LUM: variants seen among roughly 807,000 people sequenced by gnomAD.
LUM encodes the protein lumican, also known as KSPG lumican.
LUM carries 13 observed loss-of-function variants against 20.5 expected under a neutral mutation model. That is an observed-to-expected ratio of 0.63 (90% confidence interval 0.41 to 1.01). The LOEUF (loss-of-function observed/expected upper bound fraction) is 1.01. LUM is among the 50% of genes least tolerant of loss of function. The pLI is 0.00. For missense variants in LUM, 321 were observed against 391.1 expected (o/e 0.82, Z 1.51); for synonymous variants, 173 against 151.5 (o/e 1.14, Z -1.04).
At chr12:91,105,323 T>C (rs1880006316) in intron 2 of LUM, among the ~76,000 whole-genome samples, 1 of 152,180 alleles carries the variant, frequency 6.6e-6, no homozygotes. Context: ...CCGTGTTGCA[T>C]GAAGATTAAA....
intron 1 of LUM, 99 bp from the exon 2 acceptor site, chr12:91,109,099 T>C: frequency 1.1e-6 from 1 of 905,134 alleles, no homozygotes; most frequent in Non-Finnish European, 1.7e-6. Context: ...ATGTGCATTT[T>C]GTTATTTTAT....
At chr12:91,107,311 A>AG (rs1565758516) in intron 2 of LUM, among the ~76,000 whole-genome samples, 32 of 138,928 alleles carry the variant, frequency 2.3e-4, no homozygotes, top group African/African-American at 8.1e-4. Context: ...GAAAGAAAGA[A>AG]AGAAAGAAAG....
rs1388124275 is a variant in LUM at position 91,103,416 on chromosome 12, T to G, written c.*749A>C. 6.6e-6 allele frequency: 1 copy of G among 152,064 alleles called. No individual in the cohort carries two copies. The highest frequency in any genetic ancestry group is 1.5e-5 in the Non-Finnish European group (1 of 67,960). 9.4% of individuals were successfully genotyped at this position (152,064 alleles called of 1,614,324 possible). On this transcript the variant is annotated 3_prime_UTR_variant, in exon 3 of 3. Transcript: ENST00000266718. The stretch of plus-strand genomic sequence containing the variant: ...AAGTGAATGCTAGAAGTAGACAAAT[T>G]ATTTAGTGGAAAATCCTATGTTCAC...
Position 91,105,771 on chromosome 12 carries a change from T to C in LUM, c.863-1452A>G, listed in dbSNP as rs1338369706. On this transcript the variant is annotated intron_variant, in intron 2 of 2. Transcript: ENST00000266718. ...TGACAGGCCGTTGGCCTTTCTCCCATAGACCTCTCTTCCATCCTTTACTCA... is the reference window on the plus strand; with the variant it reads ...TGACAGGCCGTTGGCCTTTCTCCCACAGACCTCTCTTCCATCCTTTACTCA... Among the ~76,000 whole-genome samples, 7 of 152,214 alleles carry C rather than the reference T, an allele frequency of 4.6e-5. No individual in the cohort carries two copies. In the South Asian group the frequency reaches 8.3e-4, roughly 18 times the overall value.
Position 91,108,047 on chromosome 12 carries a change from A to C in LUM, c.862+71T>G. The stretch of plus-strand genomic sequence containing the variant: ...TTTTTTTAATGGAGCCAGATGCAAT[A>C]TCTGTGTTGTGCAGCCCAGGTATTT... On this transcript the variant is annotated intron_variant, in intron 2 of 2. Coordinates refer to ENST00000266718, the MANE Select transcript of LUM (RefSeq NM_002345.4). This position sits in a 1 kb window ranked among gnomAD's most constrained non-coding sequence, Gnocchi z 4.2. The C allele has an allele frequency of 4.0e-6, 6 of 1,518,192 alleles. No individual in the cohort carries two copies. The South Asian group carries it at 6.8e-5, about 17-fold the overall frequency. The allele number at this position is 1,518,192 out of a possible 1,614,324, so 94.0% of individuals were successfully genotyped here.
intron 2 of LUM, among the ~76,000 whole-genome samples, chr12:91,106,711 A>AAAAAAAC (rs398020575): frequency 0.018 from 2,613 of 146,878 alleles, 92 homozygotes; most frequent in East Asian, 0.16. Flanking sequence ...AAAAAAAAAA[A>AAAAAAAC]GATGTTAGAA....
At chr12:91,107,938 C>T (rs1208230650) in intron 2 of LUM, among the ~76,000 whole-genome samples, 180 bp downstream of exon 2, 1 of 152,014 alleles carries the variant, frequency 6.6e-6, no homozygotes, top group African/African-American at 2.4e-5. Flanking sequence ...CTGGTCTCAA[C>T]TCCTGACCTG....
rs1879941870 is a variant in LUM, at chr12:91,102,991, G to T, written c.*1174C>A. 1 of 151,980 alleles carries T rather than the reference G, an allele frequency of 6.6e-6. No homozygotes were observed. The highest frequency in any genetic ancestry group is 1.5e-5 in the Non-Finnish European group (1 of 67,938). The allele number at this position is 151,980 out of a possible 1,614,324, so 9.4% of individuals were successfully genotyped here. On this transcript the variant is annotated 3_prime_UTR_variant, in exon 3 of 3. Coordinates refer to ENST00000266718, the MANE Select transcript of LUM (RefSeq NM_002345.4). ...GCATAACATTTGGCTCCACACATAG[G>T]TTTTATTGTTAACTAGGTAAAACAG...
intron 2 of LUM, among the ~76,000 whole-genome samples, chr12:91,107,287 G>GAAAGAGAAAGAAAGAA (rs1426004605): frequency 1.1e-4 from 7 of 61,312 alleles, no homozygotes; most frequent in African/African-American, 3.7e-4. Flanking sequence ...AAGAAAGAAA[G>GAAAGAGAAAGAAAGAA]AGAAAGAAAG....
In LUM at chr12:91,108,605, G is replaced by A; in HGVS notation, c.375C>T (p.His125=). 1 of 1,613,260 alleles carries A rather than the reference G, an allele frequency of 6.2e-7. No homozygotes were observed. Residue 125 remains histidine (H), a synonymous_variant, in exon 2 of 3, where the codon CAC becomes CAT. Coordinates refer to ENST00000266718, the MANE Select transcript of LUM (RefSeq NM_002345.4). This position sits in a 1 kb window ranked among gnomAD's most constrained non-coding sequence, Gnocchi z 4.2. ...LKQLKKLHIN[H]NNLTESVGPL... ...GGCCCACAGACTCTGTCAGGTTGTT[G>A]TGGTTTATATGCAGCTTCTTCAGTT...
At chr12:91,107,785 G>T (rs931087190) in intron 2 of LUM, among the ~76,000 whole-genome samples, 1 of 151,648 alleles carries the variant, frequency 6.6e-6, no homozygotes, top group Non-Finnish European at 1.5e-5. Context: ...GCACGATCTC[G>T]GCTCACTGCA....
chr12:91,107,469 A>G (rs1008054153), intron 2 of LUM, among the ~76,000 whole-genome samples: 5 of 152,072 alleles, frequency 3.3e-5, no homozygotes, highest in Non-Finnish European at 7.4e-5. Flanking sequence ...TTCCTCCCTC[A>G]TCTAGATCTT....
In LUM at chr12:91,103,486, C is replaced by G. The variant is rs1364550331; in HGVS notation, c.*679G>C. The G allele has an allele frequency of 6.6e-6, 1 of 152,000 alleles. No individual in the cohort carries two copies. The highest frequency in any genetic ancestry group is 1.5e-5 in the Non-Finnish European group (1 of 67,944). 9.4% of individuals were successfully genotyped at this position (152,000 alleles called of 1,614,324 possible). A position where few individuals can be genotyped will look rare whatever the true frequency, so the allele number is the denominator to read the frequency against. On this transcript the variant is annotated 3_prime_UTR_variant, in exon 3 of 3. Coordinates refer to ENST00000266718, the MANE Select transcript of LUM (RefSeq NM_002345.4). The stretch of plus-strand genomic sequence containing the variant: ...CCAGAGATATCTTTTGATTTCTAAT[C>G]TATTGTTTTATGTATTTTATATACA...
At position 91,109,536 on chromosome 12, in the gene LUM, G is replaced by A. The variant is rs1419475043; in HGVS notation, c.-21-536C>T. ...CTTTAAAAGTGTCTGGTTACTGTTG[G>A]TTCTGAGGAAGGAGAACAGAATTCT... On this transcript the variant is annotated intron_variant, in intron 1 of 2. Transcript: ENST00000266718. Among the ~76,000 whole-genome samples the A allele has an allele frequency of 2.0e-5, 3 of 152,128 alleles. No individual in the cohort carries two copies. The East Asian group carries it at 5.8e-4, about 29-fold the overall frequency.
At position 91,108,021 on chromosome 12, in the gene LUM, G is replaced by A. The variant is rs943700356; in HGVS notation, c.862+97C>T. On this transcript the variant is annotated intron_variant, in intron 2 of 2. Transcript: ENST00000266718. This position sits in a 1 kb window ranked among gnomAD's most constrained non-coding sequence, Gnocchi z 4.2. ...AGCCACAGCGCCCGGGCGACATTTTGTTTTTTTAATGGAGCCAGATGCAAT... is the reference window on the plus strand; with the variant it reads ...AGCCACAGCGCCCGGGCGACATTTTATTTTTTTAATGGAGCCAGATGCAAT... 2 of 1,413,864 alleles carry A rather than the reference G, an allele frequency of 1.4e-6. No homozygotes were observed. The highest frequency in any genetic ancestry group is 2.0e-6 in the Non-Finnish European group (2 of 1,000,424). The allele number at this position is 1,413,864 out of a possible 1,614,324, so 87.6% of individuals were successfully genotyped here. A position where few individuals can be genotyped will look rare whatever the true frequency, so the allele number is the denominator to read the frequency against.
intron 1 of LUM, among the ~76,000 whole-genome samples, 190 bp from the exon 2 acceptor site, chr12:91,109,190 A>G (rs1291221151): frequency 2.0e-5 from 3 of 152,166 alleles, no homozygotes; most frequent in African/African-American, 2.4e-5. Flanking sequence ...ACAACTATGT[A>G]GTGAGCAGCT....
Position 91,108,012 on chromosome 12 carries a change from C to G in LUM, c.862+106G>C. The G allele has an allele frequency of 1.5e-6, 2 of 1,322,586 alleles. No individual in the cohort carries two copies. Among genetic ancestry groups the G allele is most frequent in the Admixed American group, 1.7e-5 (1 of 59,332 alleles). The allele number at this position is 1,322,586 out of a possible 1,614,324, so 81.9% of individuals were successfully genotyped here. A position where few individuals can be genotyped will look rare whatever the true frequency, so the allele number is the denominator to read the frequency against. Reference sequence around the variant, plus strand: ...ACAGGAATGAGCCACAGCGCCCGGGCGACATTTTGTTTTTTTAATGGAGCC... The same window carrying G: ...ACAGGAATGAGCCACAGCGCCCGGGGGACATTTTGTTTTTTTAATGGAGCC... On this transcript the variant is annotated intron_variant, in intron 2 of 2. Coordinates refer to ENST00000266718, the MANE Select transcript of LUM (RefSeq NM_002345.4). The surrounding 1 kb of genome is among the most constrained non-coding windows in gnomAD (Gnocchi z 4.2).
At position 91,109,012 on chromosome 12, in the gene LUM, T is replaced by C. The variant is rs202184645; in HGVS notation, c.-21-12A>G. The stretch of plus-strand genomic sequence containing the variant: ...AAATGGTTTGAATCCTAAATAAAGA[T>C]GAAACATTTATTAATTAAAAAAATA... On this transcript the variant is annotated splice_polypyrimidine_tract_variant and intron_variant, in intron 1 of 2. Coordinates refer to ENST00000266718, the MANE Select transcript of LUM (RefSeq NM_002345.4). The C allele has an allele frequency of 3.2e-5, 49 of 1,555,364 alleles. No homozygotes were observed. The highest frequency in any genetic ancestry group is 8.2e-5 in the African/African-American group (6 of 72,816).
chr12:91,106,877 T>C (rs1254244012), intron 2 of LUM, among the ~76,000 whole-genome samples: 18 of 151,612 alleles, frequency 1.2e-4, no homozygotes, highest in Admixed American at 1.2e-3. Context: ...GGGAAGACCA[T>C]GAGACTATAT....
Sources: gnomAD v4.1 joint callset for allele counts (sites outside exome capture counted in the v4.1 genomes callset) on GRCh38, gnomAD v4.1.1 for gene constraint, Gnocchi (gnomAD v3.1) non-coding constraint, MANE v1.5 for transcripts, NCBI Gene and HGNC (gene_info 2026-07-23, HGNC 2026-07-21) for gene names.